The following C10orf143 variants were observed in gnomAD, a reference collection of about 807,000 sequenced individuals.
C10orf143 encodes uncharacterized protein C10orf143.
intron 1 of C10orf143, chr10:130,101,098 A>C (rs146344427): frequency 1.3e-5 from 2 of 152,120 alleles, no homozygotes; most frequent in African/African-American, 2.4e-5. Context: ...GCGCACCTGT[A>C]ATCCCAGCAA....
chr10:130,108,582 G>A (rs1299215951), intron 1 of C10orf143: 1 of 564,116 alleles, frequency 1.8e-6, no homozygotes, highest in South Asian at 2.2e-5. Context: ...ATAGTATTTT[G>A]TAAATAAGGA....
intron 3 of C10orf143, among the ~76,000 whole-genome samples, chr10:130,040,431 G>C (rs1023243347): frequency 3.3e-5 from 5 of 152,200 alleles, no homozygotes; most frequent in Admixed American, 6.5e-5. Context: ...TGGATCATTT[G>C]GTTCATAAGA....
intron 3 of C10orf143, among the ~76,000 whole-genome samples, chr10:130,057,718 T>C (rs1415962550): frequency 3.3e-5 from 5 of 152,230 alleles, no homozygotes; most frequent in Non-Finnish European, 7.3e-5. Flanking sequence ...CCCTGGGCAC[T>C]GGAGTGGCGG....
At chr10:130,080,858 A>G (rs1026201038) in intron 1 of C10orf143, among the ~76,000 whole-genome samples, 2 of 152,234 alleles carry the variant, frequency 1.3e-5, no homozygotes, top group African/African-American at 4.8e-5. Flanking sequence ...TGCATTAAAA[A>G]TGGGAGATGA....
chr10:130,080,249 T>G (rs1292252531), intron 1 of C10orf143, among the ~76,000 whole-genome samples: 1 of 152,250 alleles, frequency 6.6e-6, no homozygotes, highest in South Asian at 2.1e-4. Flanking sequence ...ACTAGTTATA[T>G]GCTTTTGCTT....
intron 3 of C10orf143, among the ~76,000 whole-genome samples, chr10:130,046,066 G>A (rs1333776743): frequency 6.6e-6 from 1 of 151,250 alleles, no homozygotes; most frequent in East Asian, 1.9e-4. Flanking sequence ...CAGACGGAAC[G>A]TGGAACAGGG....
chr10:130,044,727 C>T (rs769062911), intron 3 of C10orf143, among the ~76,000 whole-genome samples: 27 of 152,116 alleles, frequency 1.8e-4, no homozygotes, highest in Non-Finnish European at 2.5e-4. Context: ...CCAGATGACC[C>T]GGTGGATCCA....
chr10:130,109,030 CCA>C (rs1861713847), intron 1 of C10orf143, among the ~76,000 whole-genome samples: 1 of 152,202 alleles, frequency 6.6e-6, no homozygotes, highest in Non-Finnish European at 1.5e-5. Context: ...ACCCTGGACT[CCA>C]CTCTTCACAT....
At chr10:130,110,452 G>A (rs576358574) in intron 1 of C10orf143, among the ~76,000 whole-genome samples, 3 of 152,312 alleles carry the variant, frequency 2.0e-5, no homozygotes, top group Admixed American at 6.5e-5. Context: ...GTGAGCGTGT[G>A]GGTCAGGAAG....
intron 1 of C10orf143, among the ~76,000 whole-genome samples, chr10:130,095,328 G>A (rs1301524331): frequency 6.6e-6 from 1 of 152,128 alleles, no homozygotes; most frequent in Non-Finnish European, 1.5e-5. Flanking sequence ...CCATGCTCAT[G>A]GAAAGGAATA....
At chr10:130,093,112 C>T (rs1171740) in intron 1 of C10orf143, among the ~76,000 whole-genome samples, 142,865 of 152,298 alleles carry the variant, frequency 0.94, 67,054 homozygotes, top group African/African-American at 0.96. Flanking sequence ...CAGCAGAATA[C>T]ACATTCTTCT....
Position 130,068,783 on chromosome 10 carries a change from C to T in C10orf143, c.298-4400G>A, listed in dbSNP as rs550625332. Reference sequence around the variant, plus strand: ...TTAAAAACTCATTAACGGGGATCAACAGCAGATTTGAGCAAGCAGAAGAAA... The same window carrying T: ...TTAAAAACTCATTAACGGGGATCAATAGCAGATTTGAGCAAGCAGAAGAAA... On this transcript the variant is annotated intron_variant, in intron 3 of 3. Coordinates refer to ENST00000637128, the MANE Select transcript of C10orf143 (RefSeq NM_001355042.2). Among the ~76,000 whole-genome samples, 126 of 151,368 alleles carry T rather than the reference C, an allele frequency of 8.3e-4. 1 individual carries two copies. In the South Asian group the frequency reaches 0.025, roughly 30 times the overall value.
intron 3 of C10orf143, among the ~76,000 whole-genome samples, chr10:130,053,668 A>AG (rs2134734860): frequency 6.6e-6 from 1 of 152,340 alleles, no homozygotes; most frequent in East Asian, 1.9e-4. Context: ...AGCAGCCAAG[A>AG]GGGCTCCTCG....
intron 3 of C10orf143, among the ~76,000 whole-genome samples, chr10:130,042,491 G>A (rs972477187): frequency 7.2e-5 from 11 of 152,220 alleles, no homozygotes; most frequent in South Asian, 2.1e-4. Context: ...ATTAGCTGGC[G>A]TGTTTGCTGG....
At chr10:130,078,840 C>G (rs1861160854) in intron 3 of C10orf143, among the ~76,000 whole-genome samples, 1 of 151,992 alleles carries the variant, frequency 6.6e-6, no homozygotes, top group African/African-American at 2.4e-5. Flanking sequence ...AGGGGGCAAT[C>G]TCAGAAATAC....
chr10:130,091,731 T>C (rs999814078), intron 1 of C10orf143, among the ~76,000 whole-genome samples: 3 of 152,168 alleles, frequency 2.0e-5, no homozygotes, highest in African/African-American at 7.2e-5. Context: ...AATGACCTGA[T>C]GGAGCTGAAA....
intron 3 of C10orf143, among the ~76,000 whole-genome samples, chr10:130,055,210 G>T (rs942451426): frequency 6.6e-6 from 1 of 152,110 alleles, no homozygotes; most frequent in Non-Finnish European, 1.5e-5. Context: ...TGATTTCATG[G>T]ATATTACCCC....
chr10:130,054,907 A>ATTTCCCC (rs1860778456), intron 3 of C10orf143, among the ~76,000 whole-genome samples: 1 of 152,242 alleles, frequency 6.6e-6, no homozygotes, highest in Non-Finnish European at 1.5e-5. Context: ...AAATCCAACC[A>ATTTCCCC]TATATGGTCA....
chr10:130,061,268 T>TA (rs1860854916), downstream of C10orf143, among the ~76,000 whole-genome samples: 1 of 152,246 alleles, frequency 6.6e-6, no homozygotes, highest in Non-Finnish European at 1.5e-5. Context: ...ATGGACGACT[T>TA]AGTTTCATGT....
Sources: gnomAD v4.1 joint callset for allele counts (sites outside exome capture counted in the v4.1 genomes callset) on GRCh38, gnomAD v4.1.1 for gene constraint, MANE v1.5 for transcripts, NCBI Gene and HGNC (gene_info 2026-07-23, HGNC 2026-07-21) for gene names.